SH3D19: variants seen among roughly 807,000 people sequenced by gnomAD.
The protein encoded by SH3D19 is SH3 domain-containing protein 19.
Under a neutral mutation model 112.1 loss-of-function variants are expected in SH3D19, and 58 were observed. The observed-to-expected ratio is 0.52, with a 90% confidence interval of 0.42 to 0.64. The LOEUF (loss-of-function observed/expected upper bound fraction) is 0.64, where lower values mean the gene tolerates loss of function less well. SH3D19 is among the 30% of genes least tolerant of loss of function. The pLI is 0.00. For synonymous variants in SH3D19, 391 were observed against 448.5 expected (o/e 0.87, Z 1.62); for missense variants, 1,090 against 1,263.4 (o/e 0.86, Z 2.08).
At chr4:151,295,242 T>C (rs1314442207) in intron 1 of SH3D19, among the ~76,000 whole-genome samples, 1 of 152,110 alleles carries the variant, frequency 6.6e-6, no homozygotes, top group Non-Finnish European at 1.5e-5. Context: ...CCACTGCTCA[T>C]GGGAATATGC....
chr4:151,182,015 G>A (rs1429071311), intron 3 of SH3D19, among the ~76,000 whole-genome samples: 1 of 151,588 alleles, frequency 6.6e-6, no homozygotes, highest in East Asian at 1.9e-4. Flanking sequence ...TTGAGACAAG[G>A]TCTTGCTCTG....
chr4:151,236,993 A>G (rs1770114599), intron 1 of SH3D19, among the ~76,000 whole-genome samples: 1 of 152,232 alleles, frequency 6.6e-6, no homozygotes, highest in African/African-American at 2.4e-5. Flanking sequence ...CAGCAGCAGC[A>G]ACATGCTGAA....
In SH3D19 at chr4:151,260,302, A is replaced by G. The variant is rs191777828; in HGVS notation, c.113-34216T>C. On this transcript the variant is annotated intron_variant, in intron 1 of 19. Transcript: ENST00000604030. ...CGCACTTGCATCTCTAGCCCCAAACACTAGTCCTGATGCACTTCTATTTGG... is the reference window on the plus strand; with the variant it reads ...CGCACTTGCATCTCTAGCCCCAAACGCTAGTCCTGATGCACTTCTATTTGG... 5.9e-5 allele frequency among the ~76,000 whole-genome samples: 9 copies of G among 152,292 alleles called. No homozygotes were observed. The East Asian group carries it at 1.5e-3, about 26-fold the overall frequency.
intron 1 of SH3D19, among the ~76,000 whole-genome samples, chr4:151,311,705 G>A (rs1449676591): frequency 2.6e-5 from 4 of 151,992 alleles, no homozygotes; most frequent in Non-Finnish European, 4.4e-5. Flanking sequence ...AAAATTAGCA[G>A]GGCATGTCCC....
chr4:151,305,954 A>G (rs7681077), intron 1 of SH3D19, among the ~76,000 whole-genome samples: 46,978 of 152,110 alleles, frequency 0.31, 7,664 homozygotes, highest in East Asian at 0.47. Context: ...GCAGTAAAAC[A>G]GATCAAACTA....
intron 1 of SH3D19, among the ~76,000 whole-genome samples, chr4:151,263,540 T>G (rs1455340874): frequency 6.6e-6 from 1 of 152,260 alleles, no homozygotes; most frequent in African/African-American, 2.4e-5. Context: ...TCATAGTTTC[T>G]GCAGGACAGT....
chr4:151,160,277 C>T (rs1198919760), intron 8 of SH3D19, among the ~76,000 whole-genome samples: 4 of 151,846 alleles, frequency 2.6e-5, no homozygotes, highest in East Asian at 1.9e-4. Context: ...TTAGTAGAGA[C>T]GGGGTTTCAC....
intron 7 of SH3D19, among the ~76,000 whole-genome samples, chr4:151,172,803 T>G (rs1759306648): frequency 6.6e-6 from 1 of 152,144 alleles, no homozygotes. Context: ...GATCTCTGGG[T>G]TTCTCCAGGA....
intron 19 of SH3D19, among the ~76,000 whole-genome samples, chr4:151,123,909 G>C (rs181062024): frequency 1.3e-5 from 2 of 152,184 alleles, no homozygotes; most frequent in East Asian, 3.9e-4. Flanking sequence ...TTTCTTTATG[G>C]AAAATGAAAA....
chr4:151,149,380 G>A (rs746537239), intron 10 of SH3D19, 120 bp downstream of exon 10: 31 of 732,130 alleles, frequency 4.2e-5, no homozygotes, highest in Middle Eastern at 5.1e-4. Context: ...GCGTGAAATC[G>A]GTGAGATTAT....
At chr4:151,178,427 A>G (rs1760292295) in intron 4 of SH3D19, among the ~76,000 whole-genome samples, 2 of 152,256 alleles carry the variant, frequency 1.3e-5, no homozygotes, top group Non-Finnish European at 2.9e-5. Context: ...ATTGTGAAAC[A>G]GTAGAACCTG....
chr4:151,179,913 C>G (rs990771288), intron 3 of SH3D19, among the ~76,000 whole-genome samples: 1 of 152,062 alleles, frequency 6.6e-6, no homozygotes, highest in Admixed American at 6.6e-5. Context: ...AGGGTCTCAC[C>G]CTGTTGCTCA....
chr4:151,224,309 A>G (rs1768608838), intron 2 of SH3D19, among the ~76,000 whole-genome samples: 1 of 152,090 alleles, frequency 6.6e-6, no homozygotes, highest in African/African-American at 2.4e-5. Context: ...ACTCCATCTC[A>G]AAGAAAAAAA....
chr4:151,205,231 G>A (rs1764933540), intron 2 of SH3D19, among the ~76,000 whole-genome samples: 1 of 152,214 alleles, frequency 6.6e-6, no homozygotes, highest in Non-Finnish European at 1.5e-5. Context: ...ACTTTGTGCA[G>A]TGCTGGGAAA....
intron 1 of SH3D19, among the ~76,000 whole-genome samples, chr4:151,280,214 T>A (rs1231431565): frequency 2.3e-5 from 2 of 87,950 alleles, no homozygotes; most frequent in Non-Finnish European, 6.5e-5. Context: ...GTCAGGAGAT[T>A]TTTGTCGTGT....
chr4:151,217,811 C>T (rs1194464994), intron 2 of SH3D19, among the ~76,000 whole-genome samples: 1 of 151,994 alleles, frequency 6.6e-6, no homozygotes, highest in East Asian at 1.9e-4. Context: ...TAAGGTTACA[C>T]TGGAAAATTT....
intron 1 of SH3D19, among the ~76,000 whole-genome samples, chr4:151,314,362 T>C (rs1729786445): frequency 6.6e-6 from 1 of 152,160 alleles, no homozygotes; most frequent in South Asian, 2.1e-4. Context: ...CCACAACCAC[T>C]TCAAAAACTA....
chr4:151,250,782 T>C (rs1340805343), intron 1 of SH3D19, among the ~76,000 whole-genome samples: 1 of 152,202 alleles, frequency 6.6e-6, no homozygotes, highest in African/African-American at 2.4e-5. Flanking sequence ...GCATTCTGCT[T>C]TGGTTGTCAG....
At chr4:151,158,183 A>T (rs1470239320) in intron 9 of SH3D19, among the ~76,000 whole-genome samples, 1 of 152,216 alleles carries the variant, frequency 6.6e-6, no homozygotes, top group Non-Finnish European at 1.5e-5. Context: ...CTGAAACATC[A>T]CTATGTACCC....
Sources: allele counts gnomAD v4.1 joint callset (sites outside exome capture counted in the v4.1 genomes callset), GRCh38; gene constraint gnomAD v4.1.1; transcripts MANE v1.5; gene names NCBI Gene and HGNC (gene_info 2026-07-23, HGNC 2026-07-21).